CDH7: variants seen among roughly 807,000 people sequenced by gnomAD.
CDH7 encodes cadherin-7.
CDH7 carries 25 observed loss-of-function variants against 71.8 expected under a neutral mutation model. The observed-to-expected ratio is 0.35, with a 90% confidence interval of 0.25 to 0.49. The LOEUF is 0.49. Among genes scored for constraint, CDH7 ranks in the 20% least tolerant of loss-of-function variants. The pLI, the probability that CDH7 is intolerant of heterozygous loss-of-function variation, is 0.99. For synonymous variants in CDH7, 381 were observed against 363.8 expected (o/e 1.05, Z -0.54); for missense variants, 862 against 974.6 (o/e 0.88, Z 1.54).
intron 7 of CDH7, among the ~76,000 whole-genome samples, chr18:65,857,361 T>TAATAATAAA: frequency 9.3e-6 from 1 of 107,272 alleles, no homozygotes; most frequent in African/African-American, 4.0e-5. Flanking sequence ...ATAATAATAA[T>TAATAATAAA]AAAATAGCCA....
Position 65,880,751 on chromosome 18 carries a change from G to T in CDH7, c.2215G>T (p.Gly739Cys). 6.2e-7 allele frequency: 1 copy of T among 1,614,106 alleles called. No homozygotes were observed. Among genetic ancestry groups the T allele is most frequent in the Non-Finnish European group, 8.5e-7 (1 of 1,180,012 alleles). ...SLQTYAFEGN[G>C]SVAESLSSLD... Reference sequence around the variant, plus strand: ...GCAGACATATGCTTTTGAAGGAAATGGCTCAGTTGCTGAATCACTCAGCTC... The same window carrying T: ...GCAGACATATGCTTTTGAAGGAAATTGCTCAGTTGCTGAATCACTCAGCTC... The change falls in exon 12 of 12, where the codon GGC (glycine) becomes TGC (cysteine). Residue 739 changes from glycine to cysteine, a missense_variant. Physicochemically the swap from Gly to Cys is radical, Grantham distance 159. Transcript: ENST00000397968.
At chr18:65,809,474 T>C (rs1911445465) in intron 2 of CDH7, among the ~76,000 whole-genome samples, 1 of 152,118 alleles carries the variant, frequency 6.6e-6, no homozygotes, top group Admixed American at 6.5e-5. Context: ...TGATATAAAA[T>C]ACCTTTGGAA....
chr18:65,784,531 G>A (rs1395532521), intron 2 of CDH7, among the ~76,000 whole-genome samples: 1 of 152,118 alleles, frequency 6.6e-6, no homozygotes, highest in Non-Finnish European at 1.5e-5. Context: ...TCCAGTGGGT[G>A]AAGTGCTCTT....
chr18:65,882,530 T>A lies in CDH7; in HGVS notation c.*1636T>A, dbSNP rs1914260539. ...ATATGTTGATTACACAAAGAAGAAC[T>A]ATGTAGGATTCTGTAAACTTGCAGC... On this transcript the variant is annotated 3_prime_UTR_variant, in exon 12 of 12. Transcript: ENST00000397968. The A allele has an allele frequency of 6.6e-6, 1 of 152,104 alleles. No individual in the cohort carries two copies. The highest frequency in any genetic ancestry group is 1.5e-5 in the Non-Finnish European group (1 of 67,976). The allele number at this position is 152,104 out of a possible 1,614,324, so 9.4% of individuals were successfully genotyped here.
Position 65,862,829 on chromosome 18 carries a change from G to C in CDH7, c.1776G>C (p.Gln592His). The C allele has an allele frequency of 6.2e-7, 1 of 1,614,132 alleles. No homozygotes were observed. Residue 592 changes from glutamine to histidine, a missense_variant, in exon 11 of 12, where the codon CAG (glutamine) becomes CAC (histidine). Physicochemically the swap from Gln to His is conservative, Grantham distance 24. Coordinates refer to ENST00000397968, the MANE Select transcript of CDH7 (RefSeq NM_004361.5). ...VCDCDADGVA[Q>H]TCNAEAYVLP... ...ACTGTGATGCTGACGGCGTAGCCCA[G>C]ACCTGCAATGCAGAGGCCTATGTCC...
At chr18:65,758,250 C>A (rs1210729703) in intron 1 of CDH7, among the ~76,000 whole-genome samples, 1 of 152,108 alleles carries the variant, frequency 6.6e-6, no homozygotes, top group Non-Finnish European at 1.5e-5. Flanking sequence ...CTTCAGAGCC[C>A]TTATTTCTTT....
chr18:65,813,888 G>GT (rs1172765851), intron 3 of CDH7, among the ~76,000 whole-genome samples: 1 of 152,078 alleles, frequency 6.6e-6, no homozygotes, highest in Non-Finnish European at 1.5e-5. Context: ...CGAGGGGTTT[G>GT]GTTTAAATTT....
intron 9 of CDH7, 59 bp downstream of exon 9, chr18:65,859,105 G>T: frequency 6.6e-7 from 1 of 1,517,486 alleles, no homozygotes; most frequent in Non-Finnish European, 9.1e-7. Flanking sequence ...ATATCCAGCA[G>T]CAGTTGCCTT....
rs1431797468 is a variant in CDH7, at chr18:65,781,898, C to CTCTT, written c.210+18849_210+18850insTTCT. Reference sequence around the variant, plus strand: ...TCTCTCTGTCTCTCTCTCTCTTTCTCTCTATCTTTCTCTCTTTCTCTCTTT... The same window carrying CTCTT: ...TCTCTCTGTCTCTCTCTCTCTTTCTCTCTTTCTATCTTTCTCTCTTTCTCTCTTT... On this transcript the variant is annotated intron_variant, in intron 2 of 11. Coordinates refer to ENST00000397968, the MANE Select transcript of CDH7 (RefSeq NM_004361.5). 3.9e-4 allele frequency among the ~76,000 whole-genome samples: 23 copies of CTCTT among 58,602 alleles called. 6 individuals are homozygous for CTCTT. The highest frequency in any genetic ancestry group is 1.9e-3 in the African/African-American group (19 of 9,872). The allele number at this position is 58,602 out of a possible 152,430, so 38.4% of individuals were successfully genotyped here.
rs545960281 is a variant in CDH7 at position 65,781,984 on chromosome 18, CTCTT to C, written c.210+18936_210+18939del. Among the ~76,000 whole-genome samples, 21 of 55,838 alleles carry C rather than the reference CTCTT, an allele frequency of 3.8e-4. 2 individuals carry two copies. Among genetic ancestry groups the C allele is most frequent in the African/African-American group, 6.4e-4 (4 of 6,242 alleles). 36.6% of individuals were successfully genotyped at this position (55,838 alleles called of 152,430 possible). ...TCTTTCTCTCTCTCTCTCTCTCTCT[CTCTT>C]TCTCTCTTTCTCTCTTTCTCTCTTT... On this transcript the variant is annotated intron_variant, in intron 2 of 11. Transcript: ENST00000397968.
rs1391392068 is a variant in CDH7, at chr18:65,763,008, G to A, written c.166G>A (p.Val56Met). 1 of 1,613,506 alleles carries A rather than the reference G, an allele frequency of 6.2e-7. No homozygotes were observed. Among genetic ancestry groups the A allele is most frequent in the South Asian group, 1.1e-5 (1 of 91,056 alleles). The change falls in exon 2 of 12, where the codon GTG becomes ATG. Residue 56 changes from valine to methionine, a missense_variant. Coordinates refer to ENST00000397968, the MANE Select transcript of CDH7 (RefSeq NM_004361.5). ...KRSWVWNQFF[V>M]LEEYMGSDPL... is the part of the protein sequence containing the mutation. ...CAGCTGGGTGTGGAATCAGTTCTTTGTGCTGGAGGAATACATGGGTTCAGA... is the reference window on the plus strand; with the variant it reads ...CAGCTGGGTGTGGAATCAGTTCTTTATGCTGGAGGAATACATGGGTTCAGA...
chr18:65,869,515 TG>T (rs1159043361), intron 11 of CDH7, among the ~76,000 whole-genome samples: 1 of 150,500 alleles, frequency 6.6e-6, no homozygotes, highest in East Asian at 2.0e-4. Flanking sequence ...CTGCCTGGAA[TG>T]CCTCTTCCCA....
chr18:65,766,032 G>C (rs17075189), intron 2 of CDH7, among the ~76,000 whole-genome samples: 59,751 of 151,780 alleles, frequency 0.39, 12,884 homozygotes, highest in African/African-American at 0.58. Context: ...TGTTACATGT[G>C]AAATGTTATC....
chr18:65,761,358 G>A (rs1305085639), intron 1 of CDH7, among the ~76,000 whole-genome samples: 1 of 150,962 alleles, frequency 6.6e-6, no homozygotes, highest in African/African-American at 2.4e-5. Context: ...ACTACATATA[G>A]TATTTTCTTA....
intron 5 of CDH7, among the ~76,000 whole-genome samples, chr18:65,823,988 T>G (rs2143941413): frequency 6.6e-6 from 1 of 151,780 alleles, no homozygotes; most frequent in South Asian, 2.1e-4. Context: ...GAGGAGTTAT[T>G]ACAAAAGTTA....
chr18:65,764,875 C>T (rs1006808806), intron 2 of CDH7, among the ~76,000 whole-genome samples: 7 of 151,980 alleles, frequency 4.6e-5, no homozygotes, highest in Non-Finnish European at 8.8e-5. Flanking sequence ...ATTCAGAATG[C>T]TTATTCCATA....
chr18:65,870,558 C>T (rs1913898611), intron 11 of CDH7, among the ~76,000 whole-genome samples: 1 of 152,132 alleles, frequency 6.6e-6, no homozygotes, highest in South Asian at 2.1e-4. Context: ...CACCTGCTTA[C>T]CTCTCTAAGG....
intron 2 of CDH7, among the ~76,000 whole-genome samples, chr18:65,793,699 A>G (rs994247777): frequency 1.3e-5 from 2 of 152,148 alleles, no homozygotes; most frequent in African/African-American, 4.8e-5. Flanking sequence ...GATTTTGTAA[A>G]GAAAATAAGA....
chr18:65,864,888 CT>C (rs1316612871), intron 11 of CDH7, among the ~76,000 whole-genome samples: 1 of 73,786 alleles, frequency 1.4e-5, no homozygotes, highest in Non-Finnish European at 2.2e-5. Flanking sequence ...GAGACTCCAT[CT>C]AAAAAAAAAA....
Sources: gnomAD v4.1 joint callset for allele counts (sites outside exome capture counted in the v4.1 genomes callset) on GRCh38, gnomAD v4.1.1 for gene constraint, MANE v1.5 for transcripts, NCBI Gene and HGNC (gene_info 2026-07-23, HGNC 2026-07-21) for gene names.